DENND1A: variants seen among roughly 807,000 people sequenced by gnomAD.
DENND1A encodes DENN domain containing 1A, also known as DENN domain-containing protein 1A.
A neutral mutation model predicts 113.7 loss-of-function variants in DENND1A; 51 were observed. The observed-to-expected ratio is 0.45, with a 90% CI of 0.36 to 0.57. The LOEUF is 0.57. Ranked by LOEUF, DENND1A falls within the 20% of genes least tolerant of loss-of-function variation. The probability of loss-of-function intolerance (pLI) is 0.00; values close to 1 mark genes in which losing one functional copy is unlikely to be tolerated. For synonymous variants in DENND1A, 565 were observed against 570.8 expected, an observed-to-expected ratio of 0.99 and a Z score of 0.14; for missense variants, 1,258 against 1,395.9, an observed-to-expected ratio of 0.90 and a Z score of 1.57.
rs1410803078 is a variant in DENND1A, at chr9:123,440,477, A to G, written c.1371T>C (p.Asn457=). The G allele has an allele frequency of 6.4e-6, 10 of 1,572,042 alleles. No homozygotes were observed. The highest frequency in any genetic ancestry group is 8.6e-6 in the Non-Finnish European group (10 of 1,167,148). ...GCTCTTCTGGGGTGGGGGCGCAGCC[A>G]TTCTCGGCAATGTCCTGTAGGGAGA... is the stretch of plus-strand genomic sequence containing the variant. The part of the protein sequence containing the change: ...NRLKQKDIAE[N]GCAPTPEEQL... Residue 457 remains asparagine, a synonymous_variant, in exon 19 of 24, where the codon AAT becomes AAC. Coordinates refer to ENST00000394215, the MANE Select transcript of DENND1A (RefSeq NM_001352964.2).
chr9:123,486,244 C>T (rs185181077), intron 13 of DENND1A, among the ~76,000 whole-genome samples: 70 of 152,230 alleles, frequency 4.6e-4, no homozygotes, highest in Non-Finnish European at 8.8e-4. Context: ...GCAGGTAAAT[C>T]CAATGAAGGC....
At chr9:123,921,597 C>A (rs1856265279) in intron 1 of DENND1A, among the ~76,000 whole-genome samples, 3 of 152,186 alleles carry the variant, frequency 2.0e-5, no homozygotes, top group African/African-American at 7.2e-5. Flanking sequence ...CTAAATCTAC[C>A]ATGAACAGAT....
intron 10 of DENND1A, among the ~76,000 whole-genome samples, chr9:123,612,989 C>A (rs1034389167): frequency 5.9e-5 from 9 of 152,208 alleles, no homozygotes; most frequent in African/African-American, 1.9e-4. Flanking sequence ...TTGTTCCAGC[C>A]CTGGTTCTGT....
At chr9:123,819,959 T>C (rs190608197) in intron 2 of DENND1A, among the ~76,000 whole-genome samples, 1 of 152,332 alleles carries the variant, frequency 6.6e-6, no homozygotes, top group African/African-American at 2.4e-5. Context: ...ATCAATCATG[T>C]AAAACTAAAT....
chr9:123,743,431 T>C (rs1302886123), intron 5 of DENND1A, among the ~76,000 whole-genome samples: 1 of 137,838 alleles, frequency 7.3e-6, no homozygotes, highest in Non-Finnish European at 1.6e-5. Flanking sequence ...AATAAATAAA[T>C]AATAAAAATA....
intron 9 of DENND1A, among the ~76,000 whole-genome samples, chr9:123,642,074 C>A (rs1281161106): frequency 6.6e-6 from 1 of 152,150 alleles, no homozygotes; most frequent in Non-Finnish European, 1.5e-5. Context: ...TGGTTGAAGT[C>A]ACATCAAAGT....
intron 5 of DENND1A, among the ~76,000 whole-genome samples, chr9:123,730,253 C>A (rs1255352636): frequency 6.6e-6 from 1 of 152,096 alleles, no homozygotes; most frequent in Non-Finnish European, 1.5e-5. Flanking sequence ...CCAAAATTGG[C>A]AAATGGGATC....
At chr9:123,516,917 A>AAAAAAAAAAAAAAAAAAAAAAAAAAAT (rs2053974787) in intron 13 of DENND1A, among the ~76,000 whole-genome samples, 1 of 127,026 alleles carries the variant, frequency 7.9e-6, no homozygotes, top group Non-Finnish European at 1.7e-5. Flanking sequence ...AAAAAAAAAA[A>AAAAAAAAAAAAAAAAAAAAAAAAAAAT]AAGAACGGAC....
chr9:123,768,632 T>G (rs1411805848), intron 4 of DENND1A, among the ~76,000 whole-genome samples: 1 of 152,144 alleles, frequency 6.6e-6, no homozygotes, highest in Non-Finnish European at 1.5e-5. Context: ...TACAGTTTCA[T>G]AGTTCAAATT....
chr9:123,927,378 T>G (rs1857296469), intron 1 of DENND1A, among the ~76,000 whole-genome samples: 1 of 152,180 alleles, frequency 6.6e-6, no homozygotes, highest in Non-Finnish European at 1.5e-5. Context: ...GTCATTAAAA[T>G]TTTCTTCTCC....
chr9:123,568,003 A>G (rs1310425787), intron 12 of DENND1A, among the ~76,000 whole-genome samples: 3 of 152,222 alleles, frequency 2.0e-5, no homozygotes, highest in Non-Finnish European at 2.9e-5. Context: ...AGTCACCACC[A>G]GGAGTTCAGA....
intron 13 of DENND1A, among the ~76,000 whole-genome samples, chr9:123,473,982 CTTTCTT>C (rs2049675078): frequency 4.6e-5 from 5 of 107,934 alleles, no homozygotes; most frequent in African/African-American, 1.5e-4. Context: ...CGTTTACTTT[CTTTCTT>C]TTTTTTTTTT....
intron 2 of DENND1A, among the ~76,000 whole-genome samples, chr9:123,828,120 C>A (rs944658696): frequency 6.6e-6 from 1 of 150,918 alleles, no homozygotes; most frequent in Admixed American, 6.6e-5. Context: ...TAACTTTGCT[C>A]AATATGAGAA....
At chr9:123,495,141 T>TC (rs2051763656) in intron 13 of DENND1A, among the ~76,000 whole-genome samples, 3 of 140,558 alleles carry the variant, frequency 2.1e-5, no homozygotes, top group African/African-American at 8.5e-5. Flanking sequence ...CATTGTCTCT[T>TC]TCTCTCTCTC....
At chr9:123,538,790 C>A (rs1385372528) in intron 13 of DENND1A, among the ~76,000 whole-genome samples, 15 of 55,318 alleles carry the variant, frequency 2.7e-4, no homozygotes, top group Admixed American at 1.0e-3. Context: ...GTGTATGAAT[C>A]CAAAGGTGAC....
chr9:123,517,351 T>C (rs1054025225), intron 13 of DENND1A, among the ~76,000 whole-genome samples: 2 of 151,736 alleles, frequency 1.3e-5, no homozygotes, highest in African/African-American at 4.8e-5. Context: ...CCGGGCATGG[T>C]GGCTCATGCC....
chr9:123,902,563 T>C (rs1008163026), intron 1 of DENND1A, among the ~76,000 whole-genome samples: 6 of 152,108 alleles, frequency 3.9e-5, no homozygotes, highest in African/African-American at 1.2e-4. Context: ...ACAGCAAATC[T>C]AGATAGAGCT....
chr9:123,745,998 T>G (rs1325406464), intron 5 of DENND1A, among the ~76,000 whole-genome samples: 1 of 152,212 alleles, frequency 6.6e-6, no homozygotes, highest in Admixed American at 6.5e-5. Context: ...AACAAAGCTA[T>G]ACTATACTAT....
intron 2 of DENND1A, among the ~76,000 whole-genome samples, chr9:123,833,731 A>T (rs973325486): frequency 3.3e-5 from 5 of 150,054 alleles, no homozygotes; most frequent in African/African-American, 1.3e-4. Flanking sequence ...CTTTAGAAAG[A>T]TCTTTTGTAT....
Sources: gnomAD v4.1 joint callset for allele counts (sites outside exome capture counted in the v4.1 genomes callset) on GRCh38, gnomAD v4.1.1 for gene constraint, MANE v1.5 for transcripts, NCBI Gene and HGNC (gene_info 2026-07-23, HGNC 2026-07-21) for gene names.